Variants in CNTNAP5 observed in about 807,000 individuals in gnomAD.
CNTNAP5 encodes the protein contactin-associated protein-like 5.
CNTNAP5 carries 72 observed loss-of-function variants against 150.2 expected under a neutral mutation model. The observed-to-expected ratio is 0.48, with a 90% CI of 0.40 to 0.58. The LOEUF (loss-of-function observed/expected upper bound fraction) is 0.58. Among genes scored for constraint, CNTNAP5 ranks in the 20% least tolerant of loss-of-function variants. CNTNAP5 has a pLI of 0.00. For synonymous variants in CNTNAP5, 672 were observed against 619.8 expected (o/e 1.08, Z -1.25); for missense variants, 1,636 against 1,626.2 (o/e 1.01, Z -0.10).
chr2:124,686,332 G>A (rs1051305216), intron 13 of CNTNAP5, among the ~76,000 whole-genome samples: 1 of 152,044 alleles, frequency 6.6e-6, no homozygotes, highest in African/African-American at 2.4e-5. Context: ...AAGATTTAAA[G>A]GACAACATGA....
chr2:124,423,072 A>G (rs1044088683), intron 4 of CNTNAP5, among the ~76,000 whole-genome samples: 8 of 152,226 alleles, frequency 5.3e-5, no homozygotes, highest in African/African-American at 1.9e-4. Context: ...TGTTAAATAT[A>G]TGGGCTCTGA....
At chr2:124,732,867 A>G (rs1032891856) in intron 13 of CNTNAP5, among the ~76,000 whole-genome samples, 5 of 152,162 alleles carry the variant, frequency 3.3e-5, no homozygotes, top group Non-Finnish European at 7.3e-5. Context: ...CAAACACAAA[A>G]ATTCCATAAA....
chr2:124,053,663 A>C (rs1681769753), intron 1 of CNTNAP5, among the ~76,000 whole-genome samples: 1 of 152,230 alleles, frequency 6.6e-6, no homozygotes, highest in Non-Finnish European at 1.5e-5. Context: ...ATAAACACCT[A>C]GTACAGTGTC....
chr2:124,506,997 A>G lies in CNTNAP5; in HGVS notation c.1327+2441A>G, dbSNP rs186280199. Among the ~76,000 whole-genome samples the G allele has an allele frequency of 3.8e-3, 583 of 152,352 alleles. 2 individuals are homozygous for G. Among genetic ancestry groups the G allele is most frequent in the Non-Finnish European group, 6.0e-3 (411 of 68,036 alleles). Reference sequence around the variant, plus strand: ...GAGAATAACTTGAGTCTATAAAAGAAATGAATTACAGACAAATTAACAGGA... The same window carrying G: ...GAGAATAACTTGAGTCTATAAAAGAGATGAATTACAGACAAATTAACAGGA... On this transcript the variant is annotated intron_variant, in intron 8 of 23. Transcript: ENST00000682447.
intron 13 of CNTNAP5, among the ~76,000 whole-genome samples, chr2:124,681,730 ATTT>A (rs1237286681): frequency 6.6e-6 from 1 of 151,856 alleles, no homozygotes; most frequent in African/African-American, 2.4e-5. Context: ...TGGCAGGCTA[ATTT>A]TTTGTATTTT....
chr2:124,076,928 A>G, intron 1 of CNTNAP5, among the ~76,000 whole-genome samples: 1 of 152,096 alleles, frequency 6.6e-6, no homozygotes, highest in Non-Finnish European at 1.5e-5. Flanking sequence ...ATCATCTGCC[A>G]TCTCTGTGAC....
intron 6 of CNTNAP5, among the ~76,000 whole-genome samples, chr2:124,463,195 T>C (rs1191648809): frequency 6.6e-6 from 1 of 152,342 alleles, no homozygotes. Flanking sequence ...TTGAACTCTT[T>C]GCTTGAATAC....
At chr2:124,392,634 A>C (rs938798366) in intron 3 of CNTNAP5, among the ~76,000 whole-genome samples, 2 of 147,026 alleles carry the variant, frequency 1.4e-5, no homozygotes, top group Non-Finnish European at 3.0e-5. Context: ...ATGCTTCTTA[A>C]GTATGACATT....
intron 19 of CNTNAP5, among the ~76,000 whole-genome samples, chr2:124,836,453 G>A (rs1383889109): frequency 6.6e-6 from 1 of 152,106 alleles, no homozygotes; most frequent in Admixed American, 6.6e-5. Flanking sequence ...TTTGTAGACT[G>A]TTTATAGAGG....
chr2:124,738,972 C>A (rs717601), intron 13 of CNTNAP5, among the ~76,000 whole-genome samples: 38,508 of 152,084 alleles, frequency 0.25, 5,536 homozygotes, highest in Non-Finnish European at 0.34. Flanking sequence ...AAAACTCACA[C>A]AATGCCCAAA....
chr2:124,730,347 A>C (rs769367016), intron 13 of CNTNAP5, among the ~76,000 whole-genome samples: 8 of 136,930 alleles, frequency 5.8e-5, no homozygotes, highest in Non-Finnish European at 9.2e-5. Context: ...ATGTGTACAG[A>C]TATATATATA....
chr2:124,060,871 T>G (rs1037998987), intron 1 of CNTNAP5, among the ~76,000 whole-genome samples: 7 of 152,194 alleles, frequency 4.6e-5, no homozygotes, highest in Admixed American at 1.3e-4. Context: ...AAACTTGTCA[T>G]GGTGTTTTTT....
At chr2:124,739,940 A>G (rs987696762) in intron 13 of CNTNAP5, among the ~76,000 whole-genome samples, 1 of 152,054 alleles carries the variant, frequency 6.6e-6, no homozygotes, top group Non-Finnish European at 1.5e-5. Context: ...TATAAATGTT[A>G]TGAGCTCTTT....
chr2:124,709,144 T>C (rs1230435107), intron 13 of CNTNAP5, among the ~76,000 whole-genome samples: 1 of 151,978 alleles, frequency 6.6e-6, no homozygotes, highest in Non-Finnish European at 1.5e-5. Flanking sequence ...TCTGCTGCAA[T>C]CAGAACTCTC....
intron 1 of CNTNAP5, among the ~76,000 whole-genome samples, chr2:124,048,524 G>A (rs1444839485): frequency 1.3e-5 from 2 of 152,180 alleles, no homozygotes; most frequent in Non-Finnish European, 2.9e-5. Flanking sequence ...CTTGGTTGGA[G>A]TGGTCCATTG....
intron 10 of CNTNAP5, among the ~76,000 whole-genome samples, chr2:124,536,057 G>T (rs760427814): frequency 3.9e-5 from 6 of 152,202 alleles, no homozygotes; most frequent in South Asian, 4.1e-4. Flanking sequence ...TACATTGGGC[G>T]CCAGAAAAGC....
intron 1 of CNTNAP5, among the ~76,000 whole-genome samples, chr2:124,036,564 A>G (rs150478216): frequency 1.8e-4 from 28 of 152,216 alleles, no homozygotes; most frequent in African/African-American, 6.5e-4. Flanking sequence ...TAAAAGATTA[A>G]TGCCTCTGAT....
chr2:124,903,179 GA>G (rs1184404197), intron 22 of CNTNAP5, 79 bp downstream of exon 22: 1 of 934,496 alleles, frequency 1.1e-6, no homozygotes, highest in African/African-American at 1.7e-5. Flanking sequence ...CCAGATTAAA[GA>G]GTTGGCTAAT....
intron 1 of CNTNAP5, among the ~76,000 whole-genome samples, chr2:124,086,338 G>T (rs1047931568): frequency 2.0e-5 from 3 of 151,146 alleles, no homozygotes; most frequent in African/African-American, 2.5e-5. Context: ...CGAGTAGCTG[G>T]GACTGCAGGT....
Sources: allele counts gnomAD v4.1 joint callset (sites outside exome capture counted in the v4.1 genomes callset), GRCh38; gene constraint gnomAD v4.1.1; transcripts MANE v1.5; gene names NCBI Gene and HGNC (gene_info 2026-07-23, HGNC 2026-07-21).